The following PASK variants were observed in gnomAD, a reference collection of about 807,000 sequenced individuals.
PASK encodes PAS domain-containing serine/threonine-protein kinase.
In PASK, 110 loss-of-function variants were observed where a neutral mutation model predicts 121.0. The ratio of observed to expected loss-of-function variants is 0.91; its 90% CI spans 0.78 to 1.06. The LOEUF is 1.06. PASK is among the 50% of genes least tolerant of loss of function. The probability of loss-of-function intolerance (pLI) is 0.00; values close to 1 mark genes in which losing one functional copy is unlikely to be tolerated. For synonymous variants in PASK, 686 were observed against 717.8 expected (o/e 0.96, Z 0.71); for missense variants, 1,643 against 1,702.3 (o/e 0.97, Z 0.61).
chr2:241,124,556 T>C (rs954185111), intron 10 of PASK, among the ~76,000 whole-genome samples: 2 of 152,174 alleles, frequency 1.3e-5, no homozygotes, highest in African/African-American at 4.8e-5. Context: ...TGGCTTACAT[T>C]AAAAGCATGT....
upstream of PASK, chr2:241,149,580 C>A (rs2067185537): frequency 7.0e-7 from 1 of 1,430,502 alleles, no homozygotes; most frequent in Non-Finnish European, 9.5e-7. Context: ...AGTCTAGAAG[C>A]CCGCGCTAAG....
chr2:241,141,724 C>A (rs2066704721), intron 2 of PASK, among the ~76,000 whole-genome samples: 1 of 152,156 alleles, frequency 6.6e-6, no homozygotes, highest in African/African-American at 2.4e-5. Flanking sequence ...TGCTCAAAAC[C>A]AAGCACTCAA....
intron 12 of PASK, among the ~76,000 whole-genome samples, chr2:241,121,214 A>G (rs936064762): frequency 6.6e-6 from 1 of 152,174 alleles, no homozygotes; most frequent in African/African-American, 2.4e-5. Flanking sequence ...CTGACTACTG[A>G]TGGGTATGAG....
At chr2:241,125,964 CG>C (rs2065840482) in intron 10 of PASK, among the ~76,000 whole-genome samples, 1 of 152,196 alleles carries the variant, frequency 6.6e-6, no homozygotes, top group South Asian at 2.1e-4. Flanking sequence ...CTGGAACTGA[CG>C]GGCATGGGGC....
chr2:241,135,813 T>C (rs1173581839), intron 8 of PASK, 58 bp downstream of exon 8: 4 of 1,494,526 alleles, frequency 2.7e-6, no homozygotes, highest in Admixed American at 1.7e-5. Context: ...CTCAGAGGCA[T>C]GGGGCTGTCT....
chr2:241,112,232 A>AT lies in PASK; in HGVS notation c.3533+7dup. ...CGAGGACGGGCCGCACCGCAGCCGC[A>AT]TACGTACGGATTCCCCATGAGAACT... On this transcript the variant is annotated splice_region_variant and intron_variant, in intron 15 of 17. Transcript: ENST00000234040. The surrounding 1 kb of genome is among the most constrained non-coding windows in gnomAD (Gnocchi z 5.2). 1 of 1,609,144 alleles carries AT rather than the reference A, an allele frequency of 6.2e-7. No homozygotes were observed. The highest frequency in any genetic ancestry group is 1.7e-5 in the Admixed American group (1 of 60,000).
chr2:241,115,056 T>C lies in PASK; in HGVS notation c.3320A>G (p.Tyr1107Cys). ...GCCTGCTCTCACTTGTCGGAAGATG[T>C]AGCTCGCCAGGGGCTCATCCAGCCT... ...HPRLDEPLASYIFRQLVSAVG... is the reference protein window; with the variant it reads ...HPRLDEPLASCIFRQLVSAVG... Residue 1107 changes from tyrosine (Y) to cysteine (C), a missense_variant, in exon 14 of 18, where the codon TAC (tyrosine) becomes TGC (cysteine). Tyr to Cys is a radical substitution (Grantham distance 194). Coordinates refer to ENST00000234040, the MANE Select transcript of PASK (RefSeq NM_015148.4). The C allele has an allele frequency of 1.9e-6, 3 of 1,614,138 alleles. No individual in the cohort carries two copies. The highest frequency in any genetic ancestry group is 2.5e-6 in the Non-Finnish European group (3 of 1,179,998).
intron 8 of PASK, 126 bp from the exon 9 acceptor site, chr2:241,133,156 C>G: frequency 1.1e-6 from 1 of 893,118 alleles, no homozygotes; most frequent in South Asian, 1.4e-5. Context: ...CTCTCACCAC[C>G]CCAGGCGTCC....
At chr2:241,119,154 T>TC (rs1246136075) in intron 12 of PASK, among the ~76,000 whole-genome samples, 1 of 152,222 alleles carries the variant, frequency 6.6e-6, no homozygotes, top group Non-Finnish European at 1.5e-5. Flanking sequence ...CCTGAGTGGG[T>TC]CAGAAGCGAT....
intron 1 of PASK, among the ~76,000 whole-genome samples, chr2:241,149,121 C>T (rs1287919116): frequency 1.3e-5 from 2 of 150,872 alleles, no homozygotes; most frequent in Admixed American, 6.6e-5. Flanking sequence ...ACCCGAGGCG[C>T]GGGGCCTCGG....
upstream of PASK, chr2:241,149,529 G>A (rs2067182580): frequency 1.1e-6 from 1 of 881,738 alleles, no homozygotes. Flanking sequence ...AAGCTCCACG[G>A]ACCAGCCACT....
At chr2:241,123,743 G>A (rs543873868) in intron 11 of PASK, among the ~76,000 whole-genome samples, 12 of 151,806 alleles carry the variant, frequency 7.9e-5, no homozygotes, top group South Asian at 2.1e-4. Context: ...ACTTGAACCC[G>A]GGAAGCAGAG....
In PASK at chr2:241,108,961, A is replaced by T. The variant is rs1383507009; in HGVS notation, c.3534-661T>A. 2.6e-5 allele frequency: 4 copies of T among 156,614 alleles called. No individual in the cohort carries two copies. The allele number at this position is 156,614 out of a possible 1,614,324, so 9.7% of individuals were successfully genotyped here. A position where few individuals can be genotyped will look rare whatever the true frequency, so the allele number is the denominator to read the frequency against. ...CCTGTCGCCGTAAACATCCTCATCC[A>T]CGCTACCATTTATTTCCTGTCACCG... is the stretch of plus-strand genomic sequence containing the variant. On this transcript the variant is annotated intron_variant, in intron 15 of 17. Transcript: ENST00000234040. The surrounding 1 kb of genome is among the most constrained non-coding windows in gnomAD (Gnocchi z 5.2).
intron 11 of PASK, among the ~76,000 whole-genome samples, chr2:241,123,648 G>A (rs1042810532): frequency 2.8e-4 from 42 of 152,010 alleles, no homozygotes; most frequent in African/African-American, 9.4e-4. Context: ...GAGAAACCCA[G>A]TCTCTACTAA....
intron 8 of PASK, chr2:241,133,976 C>CT (rs11373563): frequency 0.078 from 9,982 of 127,246 alleles, 457 homozygotes; most frequent in South Asian, 0.19. Context: ...GAGCGAAACT[C>CT]TGTCTCAAAA....
Position 241,112,443 on chromosome 2 carries a change from G to C in PASK, c.3334-4C>G, listed in dbSNP as rs755843270. 4 of 1,606,936 alleles carry C rather than the reference G, an allele frequency of 2.5e-6. No homozygotes were observed. The highest frequency in any genetic ancestry group is 1.1e-5 in the South Asian group (1 of 90,840). ...GGTATCCCACTGCTGACACTAGCTG[G>C]AATCAGGAGGCCAGAGGGGGCTTTT... On this transcript the variant is annotated splice_region_variant and splice_polypyrimidine_tract_variant and intron_variant, in intron 14 of 17. Transcript: ENST00000234040. This position sits in a 1 kb window ranked among gnomAD's most constrained non-coding sequence, Gnocchi z 5.2.
At chr2:241,121,799 T>C (rs986914190) in intron 12 of PASK, among the ~76,000 whole-genome samples, 2 of 152,224 alleles carry the variant, frequency 1.3e-5, no homozygotes, top group African/African-American at 4.8e-5. Flanking sequence ...TGATACTAAA[T>C]GGGTATTCCT....
chr2:241,113,387 T>C (rs1276510883), intron 14 of PASK: 3 of 92,522 alleles, frequency 3.2e-5, no homozygotes, highest in African/African-American at 2.7e-4. Flanking sequence ...TGCATATTTA[T>C]ATATACATAC....
At position 241,140,608 on chromosome 2, in the gene PASK, C is replaced by T. The variant is rs2066657487; in HGVS notation, c.342G>A (p.Leu114=). 1 of 1,613,998 alleles carries T rather than the reference C, an allele frequency of 6.2e-7. No individual in the cohort carries two copies. Among genetic ancestry groups the T allele is most frequent in the Non-Finnish European group, 8.5e-7 (1 of 1,179,996 alleles). ...GCAGAGGTGAGGACCACCCTGAGGA[C>T]AGTCCCCGCAGCAGGGAGCAGCAGG... ...SVSCCSLLRG[L]SSGWSSPLLP... Residue 114 remains leucine (L), a synonymous_variant, in exon 3 of 18, where the codon CTG becomes CTA. Transcript: ENST00000234040.
Sources: gnomAD v4.1 joint callset for allele counts (sites outside exome capture counted in the v4.1 genomes callset) on GRCh38, gnomAD v4.1.1 for gene constraint, Gnocchi (gnomAD v3.1) non-coding constraint, MANE v1.5 for transcripts, NCBI Gene and HGNC (gene_info 2026-07-23, HGNC 2026-07-21) for gene names.